Variants in TRPC6 observed in about 807,000 individuals in gnomAD.
TRPC6 encodes transient receptor potential cation channel subfamily C member 6, also known as short transient receptor potential channel 6.
A neutral mutation model predicts 90.7 loss-of-function variants in TRPC6; 55 were observed. The ratio of observed to expected loss-of-function variants is 0.61; its 90% CI spans 0.49 to 0.76. TRPC6 has a LOEUF of 0.76. TRPC6 is among the 30% of genes least tolerant of loss of function. TRPC6 has a pLI of 0.00. For synonymous variants in TRPC6, 393 were observed against 393.0 expected (o/e 1.00, Z 0.00); for missense variants, 989 against 1,122.7 (o/e 0.88, Z 1.70).
At chr11:101,467,670 C>A (rs1413948475) in intron 10 of TRPC6, among the ~76,000 whole-genome samples, 1 of 152,212 alleles carries the variant, frequency 6.6e-6, no homozygotes, top group East Asian at 1.9e-4. Context: ...GGGTGGTAGG[C>A]TTCTTCTGTA....
At chr11:101,492,175 T>C (rs1859842765) in intron 2 of TRPC6, among the ~76,000 whole-genome samples, 1 of 152,178 alleles carries the variant, frequency 6.6e-6, no homozygotes, top group African/African-American at 2.4e-5. Context: ...TGTTCATTTA[T>C]CATATATCAA....
intron 1 of TRPC6, among the ~76,000 whole-genome samples, chr11:101,575,631 G>C (rs563054700): frequency 6.6e-6 from 1 of 152,062 alleles, no homozygotes; most frequent in South Asian, 2.1e-4. Context: ...TTCTATTCTT[G>C]CTGGACATAA....
chr11:101,473,939 GT>G, intron 6 of TRPC6, among the ~76,000 whole-genome samples, 166 bp from the exon 7 acceptor site: 1 of 152,132 alleles, frequency 6.6e-6, no homozygotes, highest in Non-Finnish European at 1.5e-5. Flanking sequence ...GAGCTTCTTA[GT>G]TTATTGAGAA....
At chr11:101,484,910 A>G (rs1047853149) in intron 4 of TRPC6, among the ~76,000 whole-genome samples, 1 of 152,100 alleles carries the variant, frequency 6.6e-6, no homozygotes, top group African/African-American at 2.4e-5. Context: ...GTCAATACGT[A>G]TAACATATAG....
chr11:101,568,693 G>C (rs991220342), intron 1 of TRPC6, among the ~76,000 whole-genome samples: 2 of 152,198 alleles, frequency 1.3e-5, no homozygotes, highest in Non-Finnish European at 2.9e-5. Flanking sequence ...AGCTAGGAGA[G>C]AGGAGGGGCC....
intron 1 of TRPC6, among the ~76,000 whole-genome samples, chr11:101,576,964 CA>C (rs1271510283): frequency 6.6e-6 from 1 of 152,042 alleles, no homozygotes; most frequent in African/African-American, 2.4e-5. Context: ...TACTTCAAGC[CA>C]GGGGAGGTTT....
intron 2 of TRPC6, among the ~76,000 whole-genome samples, chr11:101,498,603 G>C (rs1860010374): frequency 6.6e-6 from 1 of 152,144 alleles, no homozygotes. Flanking sequence ...TATTGTAGTA[G>C]GGGACAGTTT....
Position 101,469,465 on chromosome 11 carries a change from G to T in TRPC6, c.2446C>A (p.His816Asn). ...AGTGATAATTTTGAAAGGTCTTCAT[G>T]ACTTCCTAAAATTCCAAGTTTCTTT... is the stretch of plus-strand genomic sequence containing the variant. ...EEKKLGILGS[H>N]EDLSKLSLDK... The change falls in exon 10 of 13, where the codon CAT (histidine) becomes AAT (asparagine). Residue 816 changes from histidine (H) to asparagine (N), a missense_variant. By Grantham distance (68) the His-to-Asn change is moderately conservative. This residue lies in a region of TRPC6 where 191 missense variants were observed against 196.7 expected (regional missense o/e 0.97). Transcript: ENST00000344327. The T allele has an allele frequency of 1.3e-6, 1 of 772,080 alleles. No individual in the cohort carries two copies. The highest frequency in any genetic ancestry group is 1.4e-5 in the South Asian group (1 of 73,422). The allele number at this position is 772,080 out of a possible 1,614,324, so 47.8% of individuals were successfully genotyped here. A position where few individuals can be genotyped will look rare whatever the true frequency, so the allele number is the denominator to read the frequency against.
intron 1 of TRPC6, among the ~76,000 whole-genome samples, chr11:101,520,135 C>T (rs1356841394): frequency 6.6e-6 from 1 of 151,970 alleles, no homozygotes; most frequent in African/African-American, 2.4e-5. Context: ...GAGGAAGGGG[C>T]CTGGTGGGAG....
chr11:101,452,835 C>G lies in TRPC6; in HGVS notation c.*120G>C. On this transcript the variant is annotated 3_prime_UTR_variant, in exon 13 of 13. Transcript: ENST00000344327. ...TAGGGCTCCAGATGATAGGATGGCC[C>G]AAGTTATTTAACGTTTTCTTGTTTA... The G allele has an allele frequency of 8.1e-7, 1 of 1,227,830 alleles. No individual in the cohort carries two copies. Among genetic ancestry groups the G allele is most frequent in the Non-Finnish European group, 1.2e-6 (1 of 854,082 alleles). The allele number at this position is 1,227,830 out of a possible 1,614,324, so 76.1% of individuals were successfully genotyped here.
At chr11:101,575,264 T>C (rs1192228054) in intron 1 of TRPC6, among the ~76,000 whole-genome samples, 1 of 152,234 alleles carries the variant, frequency 6.6e-6, no homozygotes, top group African/African-American at 2.4e-5. Flanking sequence ...GATCAGTTTG[T>C]GGATCTTTGG....
intron 1 of TRPC6, among the ~76,000 whole-genome samples, chr11:101,530,366 C>T (rs1473488122): frequency 6.6e-6 from 1 of 152,084 alleles, no homozygotes; most frequent in Non-Finnish European, 1.5e-5. Flanking sequence ...GTCTCCAGTG[C>T]CCTTCAATTG....
intron 1 of TRPC6, among the ~76,000 whole-genome samples, chr11:101,577,052 G>A (rs1862085249): frequency 6.6e-6 from 1 of 152,114 alleles, no homozygotes; most frequent in African/African-American, 2.4e-5. Flanking sequence ...ATTAATCCAA[G>A]TGGTTGGGGG....
chr11:101,494,220 G>C (rs796894527), intron 2 of TRPC6, among the ~76,000 whole-genome samples: 29 of 152,218 alleles, frequency 1.9e-4, no homozygotes, highest in Middle Eastern at 3.4e-3. Context: ...TGGTAGTTTA[G>C]AGCTGGATAT....
intron 1 of TRPC6, among the ~76,000 whole-genome samples, chr11:101,541,259 G>C (rs1478536216): frequency 6.6e-6 from 1 of 152,088 alleles, no homozygotes; most frequent in Non-Finnish European, 1.5e-5. Context: ...AACTCATTCA[G>C]CTCGCTGGTT....
chr11:101,495,633 T>TATC (rs1555002272), intron 2 of TRPC6, among the ~76,000 whole-genome samples: 12,611 of 144,362 alleles, frequency 0.087, 877 homozygotes, highest in African/African-American at 0.17. Flanking sequence ...TTATTATTAT[T>TATC]ATCATTGTTT....
intron 8 of TRPC6, among the ~76,000 whole-genome samples, chr11:101,471,899 G>C (rs1859300605): frequency 6.6e-6 from 1 of 152,120 alleles, no homozygotes; most frequent in Non-Finnish European, 1.5e-5. Context: ...TATTAAATTA[G>C]TATCAAATCA....
intron 1 of TRPC6, among the ~76,000 whole-genome samples, chr11:101,528,041 C>G (rs1860821972): frequency 6.6e-6 from 1 of 152,006 alleles, no homozygotes; most frequent in Admixed American, 6.6e-5. Flanking sequence ...CCACTGCACT[C>G]CAGCCTAGGT....
At chr11:101,533,999 C>T (rs1048646633) in intron 1 of TRPC6, among the ~76,000 whole-genome samples, 8 of 152,168 alleles carry the variant, frequency 5.3e-5, no homozygotes, top group African/African-American at 1.9e-4. Flanking sequence ...TCTGGAAGCT[C>T]CCATTCCATC....
Sources: gnomAD v4.1 joint callset for allele counts (sites outside exome capture counted in the v4.1 genomes callset) on GRCh38, gnomAD v4.1.1 for gene constraint, gnomAD v4.1.1 regional missense constraint, MANE v1.5 for transcripts, NCBI Gene and HGNC (gene_info 2026-07-23, HGNC 2026-07-21) for gene names.